Variants in PHACTR1 observed in about 807,000 individuals in gnomAD.
PHACTR1 encodes the protein RPEL repeat containing 1.
In PHACTR1, 16 loss-of-function variants were observed where a neutral mutation model predicts 69.2. That is an observed-to-expected ratio of 0.23 (90% CI 0.16 to 0.35). The LOEUF (loss-of-function observed/expected upper bound fraction) is 0.35, where lower values mean the gene tolerates loss of function less well. Ranked by LOEUF, PHACTR1 falls within the 10% of genes least tolerant of loss-of-function variation. The pLI is 1.00. For synonymous variants in PHACTR1, 312 were observed against 284.5 expected (o/e 1.10, Z -0.97); for missense variants, 510 against 734.7 (o/e 0.69, Z 3.54).
intron 4 of PHACTR1, among the ~76,000 whole-genome samples, chr6:12,846,065 AAAAC>A (rs36100593): frequency 0.23 from 34,980 of 151,594 alleles, 4,293 homozygotes; most frequent in African/African-American, 0.31. Flanking sequence ...CATTTCTTTA[AAAAC>A]AAACAAACAA....
Position 12,852,115 on chromosome 6 carries a change from G to A in PHACTR1, c.250+102325G>A, listed in dbSNP as rs559962191. Among the ~76,000 whole-genome samples, 7 of 152,282 alleles carry A rather than the reference G, an allele frequency of 4.6e-5. No individual in the cohort carries two copies. The East Asian group carries it at 1.4e-3, about 29-fold the overall frequency. On this transcript the variant is annotated intron_variant, in intron 4 of 14. Transcript: ENST00000332995. Reference sequence around the variant, plus strand: ...CTCCCAAAGTGCTAGGATTACAGGCGTGAGCCACCACGCTAGGCCAAAAAA... The same window carrying A: ...CTCCCAAAGTGCTAGGATTACAGGCATGAGCCACCACGCTAGGCCAAAAAA...
At chr6:13,051,625 C>T (rs1381153892) in intron 4 of PHACTR1, among the ~76,000 whole-genome samples, 1 of 152,180 alleles carries the variant, frequency 6.6e-6, no homozygotes, top group Non-Finnish European at 1.5e-5. Flanking sequence ...TCCCTCTTCC[C>T]CTTGCCAGGA....
chr6:13,254,404 G>C (rs1562074530), intron 10 of PHACTR1, among the ~76,000 whole-genome samples: 1 of 152,182 alleles, frequency 6.6e-6, no homozygotes, highest in Non-Finnish European at 1.5e-5. Context: ...ATTGGGCCCA[G>C]TGTAACTCTC....
At chr6:13,202,890 G>A (rs1466083937) in intron 7 of PHACTR1, among the ~76,000 whole-genome samples, 1 of 152,256 alleles carries the variant, frequency 6.6e-6, no homozygotes, top group African/African-American at 2.4e-5. Context: ...TGCCTGTTAA[G>A]TTCCTGAATG....
At chr6:13,014,200 G>A (rs1799842462) in intron 4 of PHACTR1, among the ~76,000 whole-genome samples, 1 of 152,042 alleles carries the variant, frequency 6.6e-6, no homozygotes, top group South Asian at 2.1e-4. Flanking sequence ...AGGTGGCTCG[G>A]GCTGTCTCAG....
At chr6:12,836,653 C>CAGCAT (rs1299657363) in intron 4 of PHACTR1, among the ~76,000 whole-genome samples, 1 of 152,162 alleles carries the variant, frequency 6.6e-6, no homozygotes, top group Non-Finnish European at 1.5e-5. Flanking sequence ...GCAGCACATT[C>CAGCAT]AGCATTAATT....
chr6:13,045,442 C>A (rs895922733), intron 4 of PHACTR1, among the ~76,000 whole-genome samples: 3 of 152,144 alleles, frequency 2.0e-5, no homozygotes, highest in African/African-American at 7.2e-5. Context: ...AACACTGTAC[C>A]GTTTACAATC....
At chr6:12,896,416 A>G (rs1372937851) in intron 4 of PHACTR1, among the ~76,000 whole-genome samples, 3 of 152,156 alleles carry the variant, frequency 2.0e-5, no homozygotes, top group Non-Finnish European at 2.9e-5. Context: ...TCCCTTGACA[A>G]TTCCCGTCAC....
At chr6:13,030,306 TTATAAG>T (rs1191590091) in intron 4 of PHACTR1, among the ~76,000 whole-genome samples, 1 of 152,226 alleles carries the variant, frequency 6.6e-6, no homozygotes, top group Non-Finnish European at 1.5e-5. Context: ...ATGAGGATTG[TTATAAG>T]TATAAAATTC....
At chr6:13,234,489 C>T (rs1405295320) in intron 10 of PHACTR1, among the ~76,000 whole-genome samples, 1 of 150,982 alleles carries the variant, frequency 6.6e-6, no homozygotes, top group African/African-American at 2.4e-5. Flanking sequence ...AGATAGAAAA[C>T]ATAATTTTAG....
At chr6:12,904,316 G>C (rs1337216346) in intron 4 of PHACTR1, among the ~76,000 whole-genome samples, 2 of 152,040 alleles carry the variant, frequency 1.3e-5, no homozygotes, top group Non-Finnish European at 2.9e-5. Flanking sequence ...AGGAGGCTCT[G>C]AGGTCAGGAG....
chr6:13,122,199 GA>G (rs1818839610), intron 5 of PHACTR1, among the ~76,000 whole-genome samples: 1 of 152,184 alleles, frequency 6.6e-6, no homozygotes, highest in African/African-American at 2.4e-5. Context: ...AGTGTTTTAA[GA>G]AAACATTTTT....
At chr6:12,976,012 A>T (rs4380742) in intron 4 of PHACTR1, among the ~76,000 whole-genome samples, 75,568 of 152,122 alleles carry the variant, frequency 0.5, 21,384 homozygotes, top group African/African-American at 0.78. Context: ...AGGAATGGGA[A>T]AATTTAATTC....
At chr6:13,030,677 A>C (rs1409199009) in intron 4 of PHACTR1, among the ~76,000 whole-genome samples, 1 of 152,250 alleles carries the variant, frequency 6.6e-6, no homozygotes, top group East Asian at 1.9e-4. Context: ...AAGATAAATC[A>C]CACATGTGAA....
chr6:12,959,372 G>C (rs1792387464), intron 4 of PHACTR1, among the ~76,000 whole-genome samples: 1 of 151,988 alleles, frequency 6.6e-6, no homozygotes, highest in Admixed American at 6.6e-5. Context: ...TGAATTTTTA[G>C]TCTTTTCTCT....
intron 4 of PHACTR1, among the ~76,000 whole-genome samples, chr6:12,753,961 TATATA>T (rs777029888): frequency 0.13 from 16,131 of 119,660 alleles, 1,177 homozygotes; most frequent in Admixed American, 0.17. Context: ...TATATATATA[TATATA>T]TATATTTTTT....
intron 5 of PHACTR1, among the ~76,000 whole-genome samples, chr6:13,068,570 T>C (rs1241271190): frequency 6.6e-6 from 1 of 152,194 alleles, no homozygotes. Context: ...ATCTAGGCAG[T>C]GTTCATTTCA....
Position 13,193,803 on chromosome 6 carries a change from CTT to C in PHACTR1, c.664+11119_664+11120del, listed in dbSNP as rs372988617. Among the ~76,000 whole-genome samples the C allele has an allele frequency of 8.5e-5, 13 of 152,158 alleles. No homozygotes were observed. The East Asian group carries it at 2.3e-3, about 27-fold the overall frequency. On this transcript the variant is annotated intron_variant, in intron 7 of 14. Transcript: ENST00000332995. ...GATGCTCACCCTGATGACGTGGTGA[CTT>C]TGATTTGATTCCCTATCTGCTTGGA...
intron 5 of PHACTR1, among the ~76,000 whole-genome samples, chr6:13,145,640 A>T (rs1299908130): frequency 2.0e-5 from 3 of 152,178 alleles, no homozygotes; most frequent in Non-Finnish European, 4.4e-5. Flanking sequence ...GATCTGATAG[A>T]ATTAACGTCC....
Sources: gnomAD v4.1 joint callset for allele counts (sites outside exome capture counted in the v4.1 genomes callset) on GRCh38, gnomAD v4.1.1 for gene constraint, MANE v1.5 for transcripts, NCBI Gene and HGNC (gene_info 2026-07-23, HGNC 2026-07-21) for gene names.